The following AGBL4 variants were observed in gnomAD, a reference collection of about 807,000 sequenced individuals.
AGBL4 encodes the protein AGBL carboxypeptidase 4, also known as cytosolic carboxypeptidase 6.
Under a neutral mutation model 66.4 loss-of-function variants are expected in AGBL4, and 58 were observed. That is an observed-to-expected ratio of 0.87 (90% CI 0.71 to 1.09). AGBL4 has a LOEUF of 1.09. Ranked by LOEUF, AGBL4 falls within the 50% of genes least tolerant of loss-of-function variation. The pLI is 0.00. For missense variants in AGBL4, 579 were observed against 631.0 expected, an observed-to-expected ratio of 0.92 and a Z score of 0.88; for synonymous variants, 234 against 222.9, an observed-to-expected ratio of 1.05 and a Z score of -0.44.
At chr1:49,855,078 G>A (rs1646400139) in intron 1 of AGBL4, among the ~76,000 whole-genome samples, 1 of 152,122 alleles carries the variant, frequency 6.6e-6, no homozygotes, top group South Asian at 2.1e-4. Flanking sequence ...GTGGAACAGT[G>A]AGTCAATTAA....
intron 3 of AGBL4, among the ~76,000 whole-genome samples, chr1:49,566,199 C>A (rs562691096): frequency 6.6e-6 from 1 of 152,080 alleles, no homozygotes; most frequent in Non-Finnish European, 1.5e-5. Context: ...GTTATCCATT[C>A]GTCTAATTTT....
chr1:49,699,040 C>A (rs1647038914), intron 2 of AGBL4, among the ~76,000 whole-genome samples: 3 of 152,104 alleles, frequency 2.0e-5, no homozygotes, highest in African/African-American at 4.8e-5. Context: ...TTTAAAGCAC[C>A]AGGGTGAGAC....
chr1:48,932,478 G>A (rs1473871494), intron 5 of AGBL4, among the ~76,000 whole-genome samples: 1 of 152,126 alleles, frequency 6.6e-6, no homozygotes, highest in African/African-American at 2.4e-5. Flanking sequence ...GACCAGAGAT[G>A]CTCTTTTAAT....
chr1:49,384,091 G>A (rs887177988), intron 3 of AGBL4, among the ~76,000 whole-genome samples: 18 of 151,708 alleles, frequency 1.2e-4, no homozygotes, highest in South Asian at 2.1e-4. Flanking sequence ...CACCATGCCC[G>A]GCCAACTATA....
chr1:49,294,580 T>G (rs1161382364), intron 3 of AGBL4, among the ~76,000 whole-genome samples: 2 of 152,220 alleles, frequency 1.3e-5, no homozygotes, highest in African/African-American at 4.8e-5. Flanking sequence ...AATTGTGCTT[T>G]CCCACATCTA....
chr1:49,834,717 A>C (rs1645799658), intron 2 of AGBL4, among the ~76,000 whole-genome samples: 1 of 152,188 alleles, frequency 6.6e-6, no homozygotes, highest in Non-Finnish European at 1.5e-5. Context: ...TTAGTGGTAT[A>C]AATTTCCCTC....
intron 1 of AGBL4, among the ~76,000 whole-genome samples, chr1:49,998,188 G>A (rs2148414491): frequency 6.6e-6 from 1 of 151,920 alleles, no homozygotes; most frequent in Admixed American, 6.6e-5. Context: ...TTGATTATTA[G>A]TGAGATTAAC....
At chr1:49,747,658 T>C (rs976991590) in intron 2 of AGBL4, among the ~76,000 whole-genome samples, 1 of 152,122 alleles carries the variant, frequency 6.6e-6, no homozygotes, top group Non-Finnish European at 1.5e-5. Flanking sequence ...TGTCCTTAGA[T>C]TATTTTGCTC....
At chr1:49,091,252 G>A (rs933509335) in intron 4 of AGBL4, among the ~76,000 whole-genome samples, 10 of 151,868 alleles carry the variant, frequency 6.6e-5, no homozygotes, top group African/African-American at 2.4e-4. Context: ...AAATTAAAGA[G>A]GTTCTGCATA....
intron 3 of AGBL4, chr1:49,691,345 A>G (rs184310993): frequency 2.6e-5 from 4 of 152,968 alleles, no homozygotes; most frequent in African/African-American, 9.6e-5. Context: ...CTCAAGGGCT[A>G]GCACTTGTCC....
At chr1:49,133,707 G>A (rs1332035275) in intron 4 of AGBL4, among the ~76,000 whole-genome samples, 17 of 151,870 alleles carry the variant, frequency 1.1e-4, no homozygotes, top group Admixed American at 9.2e-4. Flanking sequence ...TCTTTGGTTC[G>A]GTAATATCCC....
intron 2 of AGBL4, among the ~76,000 whole-genome samples, chr1:49,776,378 G>C (rs1451752470): frequency 1.3e-5 from 2 of 152,064 alleles, no homozygotes. Flanking sequence ...ATGTAAATAG[G>C]ATATATCTCC....
intron 1 of AGBL4, among the ~76,000 whole-genome samples, chr1:49,949,558 C>A (rs189526481): frequency 6.6e-6 from 1 of 151,894 alleles, no homozygotes; most frequent in East Asian, 1.9e-4. Context: ...CATGAATAGA[C>A]AGTTATCAAA....
At chr1:49,712,128 T>C (rs1392545249) in intron 2 of AGBL4, among the ~76,000 whole-genome samples, 1 of 151,928 alleles carries the variant, frequency 6.6e-6, no homozygotes, top group Non-Finnish European at 1.5e-5. Flanking sequence ...AGATATTAAA[T>C]TGAACATGAA....
intron 3 of AGBL4, among the ~76,000 whole-genome samples, chr1:49,552,461 G>A (rs142910990): frequency 3.1e-4 from 47 of 152,286 alleles, no homozygotes; most frequent in African/African-American, 1.1e-3. Context: ...GGGACCCAGC[G>A]AGCTCCCAGG....
At chr1:49,745,564 A>C (rs1182118564) in intron 2 of AGBL4, among the ~76,000 whole-genome samples, 1 of 151,974 alleles carries the variant, frequency 6.6e-6, no homozygotes, top group Non-Finnish European at 1.5e-5. Flanking sequence ...ATAAGAGAAG[A>C]CCACTCTATT....
At chr1:49,540,150 ATTAG>A (rs1651896735) in intron 3 of AGBL4, among the ~76,000 whole-genome samples, 1 of 152,358 alleles carries the variant, frequency 6.6e-6, no homozygotes, top group East Asian at 1.9e-4. Flanking sequence ...AGCAACTTGT[ATTAG>A]TTAGCCCTAC....
chr1:49,793,400 C>T (rs770783711), intron 2 of AGBL4, among the ~76,000 whole-genome samples: 2 of 151,926 alleles, frequency 1.3e-5, no homozygotes, highest in Non-Finnish European at 2.9e-5. Context: ...TTGAGCACAC[C>T]AGGGTACTCA....
intron 6 of AGBL4, among the ~76,000 whole-genome samples, chr1:48,827,406 C>A (rs1398500413): frequency 2.6e-5 from 4 of 152,158 alleles, no homozygotes; most frequent in Admixed American, 2.0e-4. Flanking sequence ...CCTAGCTTCC[C>A]AGGTCATGGG....
Sources: gnomAD v4.1 joint callset for allele counts (sites outside exome capture counted in the v4.1 genomes callset) on GRCh38, gnomAD v4.1.1 for gene constraint, MANE v1.5 for transcripts, NCBI Gene and HGNC (gene_info 2026-07-23, HGNC 2026-07-21) for gene names.